LRRTM4: variants seen among roughly 807,000 people sequenced by gnomAD.
LRRTM4 encodes the protein leucine-rich repeat transmembrane neuronal protein 4.
LRRTM4 carries 25 observed loss-of-function variants against 47.6 expected under a neutral mutation model. The observed-to-expected ratio is 0.53, with a 90% CI of 0.38 to 0.73. LRRTM4 has a LOEUF of 0.73. Among genes scored for constraint, LRRTM4 ranks in the 30% least tolerant of loss-of-function variants. The pLI is 0.00. For missense variants in LRRTM4, 638 were observed against 713.4 expected (o/e 0.89, Z 1.20); for synonymous variants, 311 against 269.5 (o/e 1.15, Z -1.51).
At chr2:77,418,020 T>C (rs1330269153) in intron 3 of LRRTM4, among the ~76,000 whole-genome samples, 1 of 150,822 alleles carries the variant, frequency 6.6e-6, no homozygotes, top group African/African-American at 2.5e-5. Flanking sequence ...TGACTAGTCT[T>C]CAAAAATTAG....
At chr2:77,088,570 GCTGA>G (rs1262951987) in intron 3 of LRRTM4, among the ~76,000 whole-genome samples, 3 of 151,478 alleles carry the variant, frequency 2.0e-5, no homozygotes, top group Non-Finnish European at 4.4e-5. Context: ...ATCTCCATTC[GCTGA>G]CTCTCTTTTC....
At chr2:77,083,674 T>C (rs1680604251) in intron 3 of LRRTM4, among the ~76,000 whole-genome samples, 1 of 152,024 alleles carries the variant, frequency 6.6e-6, no homozygotes, top group Non-Finnish European at 1.5e-5. Context: ...TAAAGATCAA[T>C]TATTCTAATG....
At chr2:76,877,964 T>G (rs1672824411) in intron 3 of LRRTM4, among the ~76,000 whole-genome samples, 1 of 152,172 alleles carries the variant, frequency 6.6e-6, no homozygotes, top group South Asian at 2.1e-4. Context: ...TTCACTTTAT[T>G]GTGGTTCCCA....
At chr2:76,963,028 G>T (rs1675910566) in intron 3 of LRRTM4, among the ~76,000 whole-genome samples, 1 of 150,744 alleles carries the variant, frequency 6.6e-6, no homozygotes, top group South Asian at 2.1e-4. Flanking sequence ...AATATTCAAA[G>T]TGTATATTAA....
chr2:77,133,130 G>A (rs1304418298), intron 3 of LRRTM4, among the ~76,000 whole-genome samples: 1 of 152,182 alleles, frequency 6.6e-6, no homozygotes, highest in Non-Finnish European at 1.5e-5. Flanking sequence ...ATGGTCATAA[G>A]AAGCATTGTG....
intron 3 of LRRTM4, among the ~76,000 whole-genome samples, chr2:77,510,606 T>C (rs1678946684): frequency 6.6e-6 from 1 of 152,078 alleles, no homozygotes; most frequent in Non-Finnish European, 1.5e-5. Context: ...GTCTATGTAA[T>C]TTTGCTTTAA....
intron 3 of LRRTM4, among the ~76,000 whole-genome samples, chr2:77,489,046 A>G (rs1678036083): frequency 6.6e-6 from 1 of 152,062 alleles, no homozygotes; most frequent in African/African-American, 2.4e-5. Flanking sequence ...ATAAAATAAA[A>G]TAAAATGTCA....
intron 3 of LRRTM4, among the ~76,000 whole-genome samples, chr2:76,845,488 G>C (rs934137472): frequency 6.6e-6 from 1 of 152,178 alleles, no homozygotes; most frequent in Non-Finnish European, 1.5e-5. Flanking sequence ...GTGAGTGGTG[G>C]CTCCCTGCTA....
At chr2:77,221,025 G>C (rs1674610931) in intron 3 of LRRTM4, among the ~76,000 whole-genome samples, 1 of 152,170 alleles carries the variant, frequency 6.6e-6, no homozygotes, top group Non-Finnish European at 1.5e-5. Flanking sequence ...AATTCTACAA[G>C]CCAGAAGAGA....
intron 3 of LRRTM4, among the ~76,000 whole-genome samples, chr2:77,506,373 G>A (rs1193292365): frequency 2.0e-5 from 3 of 151,554 alleles, no homozygotes; most frequent in Admixed American, 1.3e-4. Flanking sequence ...GATGAGAAAG[G>A]CATTTTTAAA....
chr2:77,326,669 T>A (rs1670788002), intron 3 of LRRTM4, among the ~76,000 whole-genome samples: 1 of 152,188 alleles, frequency 6.6e-6, no homozygotes, highest in African/African-American at 2.4e-5. Flanking sequence ...GTGCTAGGAT[T>A]ACAGCTATGA....
chr2:77,007,756 T>A (rs1677711167), intron 3 of LRRTM4, among the ~76,000 whole-genome samples: 1 of 152,158 alleles, frequency 6.6e-6, no homozygotes, highest in South Asian at 2.1e-4. Flanking sequence ...CTACATGTCT[T>A]CCATTCGGCT....
chr2:76,976,322 C>A (rs1398541756), intron 3 of LRRTM4, among the ~76,000 whole-genome samples: 3 of 151,402 alleles, frequency 2.0e-5, no homozygotes, highest in Non-Finnish European at 4.4e-5. Flanking sequence ...TATTTAGAGC[C>A]AGCATCTGTG....
chr2:76,958,303 G>C (rs113697633), intron 3 of LRRTM4, among the ~76,000 whole-genome samples: 2 of 151,722 alleles, frequency 1.3e-5, no homozygotes, highest in African/African-American at 4.8e-5. Context: ...CTTGATTGCT[G>C]AAAGTTTTGA....
chr2:76,788,782 C>T (rs1179853853), intron 3 of LRRTM4, among the ~76,000 whole-genome samples: 1 of 152,100 alleles, frequency 6.6e-6, no homozygotes, highest in Non-Finnish European at 1.5e-5. Flanking sequence ...GAAGTAGTAA[C>T]ACTATTTTAT....
chr2:76,845,879 A>G (rs1247902821), intron 3 of LRRTM4, among the ~76,000 whole-genome samples: 2 of 152,094 alleles, frequency 1.3e-5, no homozygotes, highest in Non-Finnish European at 1.5e-5. Flanking sequence ...GTGGTGGGAA[A>G]GCTCTGAAAA....
At chr2:77,060,121 C>G (rs1459324678) in intron 3 of LRRTM4, among the ~76,000 whole-genome samples, 1 of 152,158 alleles carries the variant, frequency 6.6e-6, no homozygotes, top group Non-Finnish European at 1.5e-5. Context: ...TAGAGAACAA[C>G]TGGAGTCAGT....
chr2:77,518,995 T>C lies in LRRTM4; in HGVS notation c.874A>G (p.Ile292Val). The change falls in exon 3 of 4, where the codon ATC becomes GTC. Residue 292 changes from isoleucine to valine, a missense_variant. By Grantham distance (29) the Ile-to-Val change is conservative (BLOSUM62 3). Coordinates refer to ENST00000409884, the MANE Select transcript of LRRTM4 (RefSeq NM_001134745.3). ...CACGCATTGACAGTTTCCTGTGAGATATTGGTGAGCTTGTTGGAATCCAAA... is the reference window on the plus strand; with the variant it reads ...CACGCATTGACAGTTTCCTGTGAGACATTGGTGAGCTTGTTGGAATCCAAA... Reference protein sequence around the residue: ...LNLDSNKLTNISQETVNAWIS... With the variant: ...LNLDSNKLTNVSQETVNAWIS... 6.2e-7 allele frequency: 1 copy of C among 1,611,938 alleles called. No homozygotes were observed. Among genetic ancestry groups the C allele is most frequent in the Non-Finnish European group, 8.5e-7 (1 of 1,178,950 alleles).
chr2:77,108,160 C>T (rs1212280103), intron 3 of LRRTM4, among the ~76,000 whole-genome samples: 1 of 151,974 alleles, frequency 6.6e-6, no homozygotes, highest in Admixed American at 6.6e-5. Flanking sequence ...ATAGGAATTA[C>T]TGAATGCAAG....
Sources: allele counts gnomAD v4.1 joint callset (sites outside exome capture counted in the v4.1 genomes callset), GRCh38; gene constraint gnomAD v4.1.1; transcripts MANE v1.5; gene names NCBI Gene and HGNC (gene_info 2026-07-23, HGNC 2026-07-21).